Variants in SOX5 observed in about 807,000 individuals in gnomAD.
SOX5 encodes the protein transcription factor SOX-5.
A neutral mutation model predicts 92.0 loss-of-function variants in SOX5; 9 were observed. The ratio of observed to expected loss-of-function variants is 0.10; its 90% CI spans 0.06 to 0.17. The LOEUF (loss-of-function observed/expected upper bound fraction) is 0.17, where lower values mean the gene tolerates loss of function less well. Ranked by LOEUF, SOX5 falls within the 10% of genes least tolerant of loss-of-function variation. SOX5 has a pLI of 1.00. For synonymous variants in SOX5, 344 were observed against 336.3 expected (o/e 1.02, Z -0.25); for missense variants, 642 against 944.5 (o/e 0.68, Z 4.20).
At chr12:23,745,296 TTTTTAAAATAGAAC>T (rs1331270095) in intron 4 of SOX5, among the ~76,000 whole-genome samples, 3 of 152,306 alleles carry the variant, frequency 2.0e-5, no homozygotes, top group East Asian at 1.9e-4. Flanking sequence ...TTGTAACAAA[TTTTTAAAATAGAAC>T]TTTTAAAATA....
chr12:24,084,075 T>C (rs1182971942), intron 4 of SOX5, among the ~76,000 whole-genome samples: 2 of 152,056 alleles, frequency 1.3e-5, no homozygotes, highest in Non-Finnish European at 2.9e-5. Context: ...CTGTATGATT[T>C]GGAAACCACA....
intron 2 of SOX5, among the ~76,000 whole-genome samples, chr12:24,350,196 C>G (rs1953895831): frequency 6.6e-6 from 1 of 152,240 alleles, no homozygotes; most frequent in South Asian, 2.1e-4. Flanking sequence ...TGAAAAGGCT[C>G]TTGTTTGTTC....
At chr12:24,137,090 C>G (rs1593496779) in intron 4 of SOX5, among the ~76,000 whole-genome samples, 1 of 152,186 alleles carries the variant, frequency 6.6e-6, no homozygotes, top group East Asian at 1.9e-4. Context: ...TTCACATGTT[C>G]ATGATCCAGT....
At chr12:23,830,322 C>T (rs550701888) in intron 3 of SOX5, among the ~76,000 whole-genome samples, 1 of 152,152 alleles carries the variant, frequency 6.6e-6, no homozygotes, top group South Asian at 2.1e-4. Flanking sequence ...GAAAAGGGTG[C>T]CTGGAGGTTA....
intron 2 of SOX5, among the ~76,000 whole-genome samples, chr12:24,306,393 C>A (rs114780926): frequency 6.6e-6 from 1 of 152,164 alleles, no homozygotes; most frequent in East Asian, 1.9e-4. Flanking sequence ...ATTCTGCCAC[C>A]GAAGTGTGGA....
intron 1 of SOX5, among the ~76,000 whole-genome samples, chr12:24,430,929 T>C (rs558419441): frequency 3.3e-5 from 5 of 152,316 alleles, no homozygotes; most frequent in African/African-American, 9.6e-5. Flanking sequence ...ATATCCGATG[T>C]CTCTTTATTC....
intron 2 of SOX5, among the ~76,000 whole-genome samples, chr12:24,321,326 A>G (rs551745068): frequency 6.6e-6 from 1 of 152,298 alleles, no homozygotes; most frequent in Non-Finnish European, 1.5e-5. Flanking sequence ...AAAAATCTCA[A>G]GTAGGTAATC....
chr12:23,979,904 G>GA (rs1177665183), intron 4 of SOX5, among the ~76,000 whole-genome samples: 1,438 of 132,854 alleles, frequency 0.011, 36 homozygotes, highest in African/African-American at 0.039. Context: ...TGGCTGGCTG[G>GA]CTGGCTGGCC....
In SOX5 at chr12:23,658,985, T is replaced by C. The variant is rs1323154730; in HGVS notation, c.931+6459A>G. On this transcript the variant is annotated intron_variant, in intron 7 of 14. Coordinates refer to ENST00000451604, the MANE Select transcript of SOX5 (RefSeq NM_006940.6). ...TCTCTCTGCTTATTTACAAAGAACA[T>C]ACAGTATGGGATCCTGACAACACAT... Among the ~76,000 whole-genome samples, 3 of 152,134 alleles carry C rather than the reference T, an allele frequency of 2.0e-5. No homozygotes were observed. The East Asian group carries it at 5.8e-4, about 29-fold the overall frequency.
chr12:23,567,094 A>G (rs1947245399), intron 10 of SOX5, among the ~76,000 whole-genome samples: 1 of 152,224 alleles, frequency 6.6e-6, no homozygotes, highest in African/African-American at 2.4e-5. Context: ...TCTTATTAAC[A>G]TGGCTTTGAC....
intron 3 of SOX5, among the ~76,000 whole-genome samples, chr12:24,235,743 T>C (rs1346323643): frequency 6.6e-6 from 1 of 152,242 alleles, no homozygotes; most frequent in Non-Finnish European, 1.5e-5. Flanking sequence ...TAATTTTCCA[T>C]AGTCAACTTT....
intron 3 of SOX5, chr12:24,277,106 T>C (rs1944524785): frequency 6.6e-6 from 1 of 152,156 alleles, no homozygotes; most frequent in Non-Finnish European, 1.5e-5. Context: ...ATGTTTTATA[T>C]ATTTTTACTT....
At chr12:24,404,615 C>T (rs560381299) in intron 1 of SOX5, among the ~76,000 whole-genome samples, 2 of 152,288 alleles carry the variant, frequency 1.3e-5, no homozygotes, top group South Asian at 4.2e-4. Flanking sequence ...CTTCTTGTTG[C>T]ATAATCCTGC....
At chr12:24,506,764 T>C (rs76029390) in intron 1 of SOX5, among the ~76,000 whole-genome samples, 112 of 150,132 alleles carry the variant, frequency 7.5e-4, no homozygotes, top group Non-Finnish European at 1.4e-3. Flanking sequence ...GCAACCTGTA[T>C]TTCATGGTAT....
At chr12:24,049,444 A>G (rs1569523151) in intron 4 of SOX5, among the ~76,000 whole-genome samples, 3 of 152,302 alleles carry the variant, frequency 2.0e-5, no homozygotes, top group South Asian at 4.1e-4. Flanking sequence ...GTGAGAAAGC[A>G]TTATTTTAAA....
At chr12:24,426,129 G>A (rs576146380) in intron 1 of SOX5, among the ~76,000 whole-genome samples, 2 of 152,306 alleles carry the variant, frequency 1.3e-5, no homozygotes, top group South Asian at 4.1e-4. Context: ...GAGGTCAGGA[G>A]GCAGAGGTTG....
At chr12:24,165,799 T>C (rs1200776765) in intron 4 of SOX5, among the ~76,000 whole-genome samples, 1 of 151,900 alleles carries the variant, frequency 6.6e-6, no homozygotes, top group East Asian at 1.9e-4. Context: ...CTTTAAAGGG[T>C]AGTAGTTATT....
At chr12:24,332,743 C>T (rs1048860661) in intron 2 of SOX5, among the ~76,000 whole-genome samples, 7 of 149,478 alleles carry the variant, frequency 4.7e-5, no homozygotes, top group East Asian at 2.0e-4. Context: ...AGTATATGAA[C>T]GTAGTGACCA....
At chr12:23,752,799 C>T (rs1037558110) in intron 4 of SOX5, among the ~76,000 whole-genome samples, 1 of 151,824 alleles carries the variant, frequency 6.6e-6, no homozygotes, top group African/African-American at 2.4e-5. Flanking sequence ...TTCTTTTGGG[C>T]AGCTAATCAG....
Sources: gnomAD v4.1 joint callset for allele counts (sites outside exome capture counted in the v4.1 genomes callset) on GRCh38, gnomAD v4.1.1 for gene constraint, MANE v1.5 for transcripts, NCBI Gene and HGNC (gene_info 2026-07-23, HGNC 2026-07-21) for gene names.